MYO6: variants seen among roughly 807,000 people sequenced by gnomAD.
MYO6 encodes the protein unconventional myosin-VI.
MYO6 carries 74 observed loss-of-function variants against 178.7 expected under a neutral mutation model. That is an observed-to-expected ratio of 0.41 (90% CI 0.34 to 0.50). MYO6 has a LOEUF of 0.50. Ranked by LOEUF, MYO6 falls within the 20% of genes least tolerant of loss-of-function variation. The pLI, the probability that MYO6 is intolerant of heterozygous loss-of-function variation, is 0.09. For synonymous variants in MYO6, 477 were observed against 504.6 expected (o/e 0.95, Z 0.73); for missense variants, 1,330 against 1,547.4 (o/e 0.86, Z 2.36).
intron 9 of MYO6, among the ~76,000 whole-genome samples, chr6:75,844,363 G>A (rs1188111960): frequency 2.0e-5 from 3 of 152,108 alleles, no homozygotes. Context: ...CATAAAGCAA[G>A]TAGTGTAATT....
chr6:75,751,631 C>T (rs962746017), intron 1 of MYO6, among the ~76,000 whole-genome samples: 1 of 152,068 alleles, frequency 6.6e-6, no homozygotes, highest in African/African-American at 2.4e-5. Context: ...ATAACAGTGG[C>T]CAGGAAATCT....
intron 26 of MYO6, 106 bp downstream of exon 26, chr6:75,890,371 G>C (rs535513528): frequency 1.4e-5 from 21 of 1,504,076 alleles, no homozygotes; most frequent in Non-Finnish European, 1.9e-5. Flanking sequence ...TTTTGTGACA[G>C]GGTCTTGCTC....
At chr6:75,889,309 T>G (rs1778712856) in intron 25 of MYO6, among the ~76,000 whole-genome samples, 1 of 152,256 alleles carries the variant, frequency 6.6e-6, no homozygotes, top group Non-Finnish European at 1.5e-5. Flanking sequence ...TCCAATAATT[T>G]TGGATATATT....
intron 1 of MYO6, among the ~76,000 whole-genome samples, chr6:75,773,941 T>G (rs944480617): frequency 2.0e-5 from 3 of 152,228 alleles, no homozygotes; most frequent in Non-Finnish European, 4.4e-5. Flanking sequence ...AATCACTAGT[T>G]TTTTAGAAGG....
chr6:75,782,317 G>C (rs917537231), intron 1 of MYO6, among the ~76,000 whole-genome samples: 7 of 152,040 alleles, frequency 4.6e-5, no homozygotes, highest in African/African-American at 7.2e-5. Context: ...CTTATACCAA[G>C]ATAAATTCTT....
intron 1 of MYO6, among the ~76,000 whole-genome samples, chr6:75,750,152 G>T (rs139304341): frequency 6.6e-6 from 1 of 150,516 alleles, no homozygotes; most frequent in African/African-American, 2.4e-5. Flanking sequence ...CTGGAGTGCG[G>T]TGGTGCGATT....
chr6:75,898,719 C>G (rs1442226814), intron 30 of MYO6, among the ~76,000 whole-genome samples: 3 of 152,142 alleles, frequency 2.0e-5, no homozygotes, highest in African/African-American at 7.2e-5. Context: ...GGGACTTCTT[C>G]CCCTCATCAT....
chr6:75,850,653 C>G (rs942465642), intron 11 of MYO6, among the ~76,000 whole-genome samples: 6 of 152,190 alleles, frequency 3.9e-5, no homozygotes, highest in African/African-American at 1.4e-4. Context: ...AGCACGTGCT[C>G]CTGATCCAGA....
intron 20 of MYO6, among the ~76,000 whole-genome samples, chr6:75,877,634 T>G (rs1273207647): frequency 6.6e-6 from 1 of 151,982 alleles, no homozygotes; most frequent in African/African-American, 2.4e-5. Context: ...AGGCAAGTTT[T>G]CTTCTTCTGT....
chr6:75,817,501 G>A lies in MYO6; in HGVS notation c.-47G>A. ...TGCTGTATTTGTTCCTTTGAAACAG[G>A]TGACAGTGGATAGTGGAAACAGGAG... On this transcript the variant is annotated splice_region_variant and 5_prime_UTR_variant, in exon 2 of 35. It adds an upstream start codon to the 5' untranslated region. Coordinates refer to ENST00000369977, the MANE Select transcript of MYO6 (RefSeq NM_004999.4). 5.0e-6 allele frequency: 7 copies of A among 1,397,190 alleles called. No individual in the cohort carries two copies. The highest frequency in any genetic ancestry group is 7.1e-6 in the Non-Finnish European group (7 of 982,154). 86.5% of individuals were successfully genotyped at this position (1,397,190 alleles called of 1,614,324 possible). A position where few individuals can be genotyped will look rare whatever the true frequency, so the allele number is the denominator to read the frequency against.
intron 1 of MYO6, among the ~76,000 whole-genome samples, chr6:75,793,687 A>C (rs1448207899): frequency 6.6e-6 from 1 of 152,210 alleles, no homozygotes; most frequent in Non-Finnish European, 1.5e-5. Context: ...TGATGAAAAT[A>C]ATTAACAGTG....
At chr6:75,762,663 C>T (rs2149992435) in intron 1 of MYO6, among the ~76,000 whole-genome samples, 1 of 152,340 alleles carries the variant, frequency 6.6e-6, no homozygotes, top group East Asian at 1.9e-4. Context: ...GACTCACCCT[C>T]AGATTTCTGC....
chr6:75,758,438 A>G (rs1354956351), intron 1 of MYO6, among the ~76,000 whole-genome samples: 1 of 151,980 alleles, frequency 6.6e-6, no homozygotes, highest in Non-Finnish European at 1.5e-5. Context: ...CCTAAATTAG[A>G]TTGTAATGAC....
intron 29 of MYO6, 32 bp from the exon 30 acceptor site, chr6:75,898,341 G>A: frequency 6.7e-7 from 1 of 1,499,690 alleles, no homozygotes; most frequent in Non-Finnish European, 9.3e-7. Flanking sequence ...TGACTTTTAT[G>A]TAACCATATT....
chr6:75,869,093 T>G (rs1776933523), intron 18 of MYO6, among the ~76,000 whole-genome samples: 1 of 148,116 alleles, frequency 6.8e-6, no homozygotes, highest in African/African-American at 2.5e-5. Flanking sequence ...TTTTTTTTTT[T>G]TTTGGAGAAT....
intron 33 of MYO6, among the ~76,000 whole-genome samples, chr6:75,913,670 A>T (rs1780935600): frequency 6.6e-6 from 1 of 152,216 alleles, no homozygotes; most frequent in South Asian, 2.1e-4. Flanking sequence ...TAGTTGAATA[A>T]AAGTTACTGT....
chr6:75,834,203 TTTG>T lies in MYO6; in HGVS notation c.497+1259_497+1261del, dbSNP rs754490992. ...AATTAAACTCTCTGCATTGTGTTTT[TTTG>T]TTTGTTTGTTTGTTTGGTTTGGTTT... On this transcript the variant is annotated intron_variant, in intron 6 of 34. Coordinates refer to ENST00000369977, the MANE Select transcript of MYO6 (RefSeq NM_004999.4). 2.2e-4 allele frequency among the ~76,000 whole-genome samples: 33 copies of T among 151,976 alleles called. 1 individual carries two copies. Among genetic ancestry groups the T allele is most frequent in the Admixed American group, 6.6e-4 (10 of 15,254 alleles).
At chr6:75,804,333 C>T (rs919227083) in intron 1 of MYO6, among the ~76,000 whole-genome samples, 3 of 152,152 alleles carry the variant, frequency 2.0e-5, no homozygotes, top group Non-Finnish European at 4.4e-5. Flanking sequence ...TATCTGGATA[C>T]CAGGGAAGCT....
chr6:75,873,177 T>C lies in MYO6; in HGVS notation c.1984-30T>C, dbSNP rs1202900514. The stretch of plus-strand genomic sequence containing the variant: ...CAGAAAACTAAGAATGCTATATGTA[T>C]TGTAACAAAAAGTACCTTTATTTTC... On this transcript the variant is annotated intron_variant, in intron 19 of 34. Transcript: ENST00000369977. The C allele has an allele frequency of 3.9e-6, 6 of 1,548,482 alleles. No individual in the cohort carries two copies. In the South Asian group the frequency reaches 6.7e-5, roughly 17 times the overall value.
Sources: gnomAD v4.1 joint callset for allele counts (sites outside exome capture counted in the v4.1 genomes callset) on GRCh38, gnomAD v4.1.1 for gene constraint, MANE v1.5 for transcripts, NCBI Gene and HGNC (gene_info 2026-07-23, HGNC 2026-07-21) for gene names.